The following TTLL11 variants were observed in gnomAD, a reference collection of about 807,000 sequenced individuals.
TTLL11 encodes tubulin tyrosine ligase like 11, also known as tubulin polyglutamylase TTLL11.
In TTLL11, 42 loss-of-function variants were observed where a neutral mutation model predicts 51.7. That is an observed-to-expected ratio of 0.81 (90% CI 0.64 to 1.05). The LOEUF (loss-of-function observed/expected upper bound fraction) is 1.05. Among genes scored for constraint, TTLL11 ranks in the 50% least tolerant of loss-of-function variants. The probability of loss-of-function intolerance (pLI) is 0.00; values close to 1 mark genes in which losing one functional copy is unlikely to be tolerated. For synonymous variants in TTLL11, 381 were observed against 383.5 expected, an observed-to-expected ratio of 0.99 and a Z score of 0.08; for missense variants, 799 against 940.4, an observed-to-expected ratio of 0.85 and a Z score of 1.97.
At chr9:121,926,423 T>A (rs1036821441) in intron 6 of TTLL11, among the ~76,000 whole-genome samples, 2 of 152,254 alleles carry the variant, frequency 1.3e-5, no homozygotes, top group African/African-American at 4.8e-5. Context: ...CCACAAGGCT[T>A]GCTAAGGAGT....
intron 6 of TTLL11, among the ~76,000 whole-genome samples, chr9:121,919,427 G>A (rs1276594485): frequency 1.3e-5 from 2 of 152,184 alleles, no homozygotes; most frequent in African/African-American, 4.8e-5. Flanking sequence ...AGGAAAGGAA[G>A]AGCAAGGGTA....
intron 6 of TTLL11, among the ~76,000 whole-genome samples, chr9:121,928,052 C>G (rs1008746119): frequency 6.6e-6 from 1 of 152,094 alleles, no homozygotes; most frequent in East Asian, 1.9e-4. Context: ...AATGGAGGTG[C>G]TCCAGGAGCC....
chr9:122,036,553 T>C (rs73662573), intron 2 of TTLL11, among the ~76,000 whole-genome samples: 3,759 of 152,108 alleles, frequency 0.025, 140 homozygotes, highest in African/African-American at 0.086. Context: ...AATATAATAA[T>C]GTAATTTGAA....
intron 3 of TTLL11, among the ~76,000 whole-genome samples, chr9:122,024,154 T>C (rs1279674230): frequency 6.6e-6 from 1 of 152,088 alleles, no homozygotes; most frequent in African/African-American, 2.4e-5. Context: ...TTACATACAA[T>C]GAACAATTAG....
chr9:121,840,584 T>C (rs1335098731), intron 8 of TTLL11, among the ~76,000 whole-genome samples: 1 of 152,174 alleles, frequency 6.6e-6, no homozygotes, highest in Non-Finnish European at 1.5e-5. Context: ...TTAGTAGAGA[T>C]GGGGTTTCAC....
chr9:121,928,510 G>A (rs7044029), intron 6 of TTLL11, among the ~76,000 whole-genome samples: 53,020 of 149,714 alleles, frequency 0.35, 10,130 homozygotes, highest in East Asian at 0.58. Context: ...GCGTGTTCTC[G>A]GTTCACTGCA....
intron 1 of TTLL11, among the ~76,000 whole-genome samples, chr9:122,042,547 T>C (rs927640008): frequency 7.9e-5 from 12 of 152,302 alleles, no homozygotes; most frequent in African/African-American, 2.9e-4. Flanking sequence ...TCTTATTATA[T>C]AATCCAGCAA....
At chr9:121,924,144 G>A (rs1041160386) in intron 6 of TTLL11, among the ~76,000 whole-genome samples, 5 of 152,172 alleles carry the variant, frequency 3.3e-5, no homozygotes, top group Admixed American at 2.0e-4. Flanking sequence ...TTTATCAGCA[G>A]CACGAAAACG....
At chr9:122,041,548 C>A (rs10115865) in intron 1 of TTLL11, among the ~76,000 whole-genome samples, 8,441 of 152,138 alleles carry the variant, frequency 0.055, 326 homozygotes, top group African/African-American at 0.11. Flanking sequence ...GAAAAATATT[C>A]AAAGTAATAA....
At chr9:121,999,636 A>G (rs1308601193) in intron 3 of TTLL11, among the ~76,000 whole-genome samples, 2 of 152,196 alleles carry the variant, frequency 1.3e-5, no homozygotes, top group East Asian at 3.8e-4. Flanking sequence ...CTTCCCATAC[A>G]TTAGTTTCCA....
chr9:121,816,455 T>TGA lies in TTLL11; in HGVS notation c.*6131_*6132insTC, dbSNP rs925649514. 3.9e-5 allele frequency: 6 copies of TGA among 152,202 alleles called. No homozygotes were observed. Among genetic ancestry groups the TGA allele is most frequent in the African/African-American group, 1.4e-4 (6 of 41,444 alleles). The allele number at this position is 152,202 out of a possible 1,614,324, so 9.4% of individuals were successfully genotyped here. Reference sequence around the variant, plus strand: ...AGCCCTCTCCACTCCGCTCTCTAAATAACACTCGGAAGCCAATCACCAGAA... The same window carrying TGA: ...AGCCCTCTCCACTCCGCTCTCTAAATGAAACACTCGGAAGCCAATCACCAGAA... On this transcript the variant is annotated 3_prime_UTR_variant, in exon 9 of 9. Transcript: ENST00000321582.
chr9:121,835,258 A>G (rs926553610), intron 8 of TTLL11, among the ~76,000 whole-genome samples: 4 of 152,184 alleles, frequency 2.6e-5, no homozygotes, highest in Middle Eastern at 3.2e-3. Context: ...TCCTACTGCC[A>G]CCCTAAGAGA....
rs184160971 is a variant in TTLL11, at chr9:122,081,212, C to T, written c.462+11475G>A. Among the ~76,000 whole-genome samples, 29 of 152,334 alleles carry T rather than the reference C, an allele frequency of 1.9e-4. 1 individual carries two copies. The East Asian group carries it at 4.6e-3, about 24-fold the overall frequency. ...TATTTCTAAAGGGGCCAGGAACTCA[C>T]GCTCTCTTCAGAGGAGCAATACGGT... On this transcript the variant is annotated intron_variant, in intron 1 of 8. Transcript: ENST00000321582.
chr9:121,961,218 C>A (rs1276866859), intron 6 of TTLL11, among the ~76,000 whole-genome samples: 1 of 152,130 alleles, frequency 6.6e-6, no homozygotes, highest in Non-Finnish European at 1.5e-5. Flanking sequence ...CCACCTCTTC[C>A]TCCACACTTT....
chr9:121,908,728 G>A (rs1271597096), intron 6 of TTLL11, among the ~76,000 whole-genome samples: 2 of 152,114 alleles, frequency 1.3e-5, no homozygotes, highest in African/African-American at 4.8e-5. Context: ...TATTGTTTCA[G>A]GCCTCTCTTC....
chr9:121,967,396 T>C (rs1842432906), intron 6 of TTLL11, among the ~76,000 whole-genome samples: 1 of 151,846 alleles, frequency 6.6e-6, no homozygotes, highest in South Asian at 2.1e-4. Flanking sequence ...AGCTAATTTT[T>C]GTATTTTTAG....
In TTLL11 at chr9:122,031,655, C is replaced by A; in HGVS notation, c.693+68G>T. On this transcript the variant is annotated intron_variant, in intron 3 of 8. Transcript: ENST00000321582. ...GGACCCCCTGTCCCAGCTCCCAGCA[C>A]ACAGGACCCAGGACACAGTTGCAAG... is the stretch of plus-strand genomic sequence containing the variant. The A allele has an allele frequency of 1.9e-6, 3 of 1,561,504 alleles. No homozygotes were observed. In the South Asian group the frequency reaches 3.7e-5, roughly 19 times the overall value.
At chr9:121,916,932 C>T (rs1840345921) in intron 6 of TTLL11, among the ~76,000 whole-genome samples, 1 of 152,114 alleles carries the variant, frequency 6.6e-6, no homozygotes, top group Non-Finnish European at 1.5e-5. Context: ...AATTAAAGGC[C>T]CATCCAAGAC....
chr9:122,045,981 T>C (rs374035593), intron 1 of TTLL11, among the ~76,000 whole-genome samples: 7 of 152,334 alleles, frequency 4.6e-5, no homozygotes, highest in African/African-American at 1.7e-4. Flanking sequence ...ACAGTGATGG[T>C]TGGACAGCAG....
Sources: gnomAD v4.1 joint callset for allele counts (sites outside exome capture counted in the v4.1 genomes callset) on GRCh38, gnomAD v4.1.1 for gene constraint, MANE v1.5 for transcripts, NCBI Gene and HGNC (gene_info 2026-07-23, HGNC 2026-07-21) for gene names.